Variants in UMAD1 observed in about 807,000 individuals in gnomAD.
The protein encoded by UMAD1 is UBAP1-MVB12-associated (UMA)-domain containing protein 1.
UMAD1 carries 8 observed loss-of-function variants against 6.1 expected under a neutral mutation model. The observed-to-expected ratio is 1.30, with a 90% CI of 0.76 to 2.35. The LOEUF is 2.35. Among genes scored for constraint, UMAD1 ranks in the 30% most tolerant of loss-of-function variants. The pLI is 0.00. For missense variants in UMAD1, 130 were observed against 78.4 expected (o/e 1.66, Z -2.49); for synonymous variants, 56 against 31.4 (o/e 1.78, Z -2.61).
At chr7:7,697,965 C>T (rs1780359294) in intron 2 of UMAD1, among the ~76,000 whole-genome samples, 1 of 152,208 alleles carries the variant, frequency 6.6e-6, no homozygotes, top group Non-Finnish European at 1.5e-5. Flanking sequence ...TGGGGAGTTG[C>T]CTGGATTGGA....
chr7:7,818,992 G>C (rs1295024406), intron 3 of UMAD1, among the ~76,000 whole-genome samples: 11 of 152,042 alleles, frequency 7.2e-5, no homozygotes, highest in Non-Finnish European at 1.6e-4. Context: ...TGGGATTGCA[G>C]ATGCATGCCA....
At chr7:7,866,544 T>A (rs1324627926) in intron 3 of UMAD1, among the ~76,000 whole-genome samples, 1 of 152,218 alleles carries the variant, frequency 6.6e-6, no homozygotes, top group Non-Finnish European at 1.5e-5. Flanking sequence ...AGTAATTCAA[T>A]GAGCCAAGGC....
chr7:7,657,428 G>C (rs774058682), intron 1 of UMAD1, among the ~76,000 whole-genome samples: 19 of 152,176 alleles, frequency 1.2e-4, no homozygotes, highest in Non-Finnish European at 2.2e-4. Flanking sequence ...TTTTCTTCTA[G>C]GGTTTTTATG....
chr7:7,737,610 A>G (rs1037238624), intron 2 of UMAD1, among the ~76,000 whole-genome samples: 2 of 152,226 alleles, frequency 1.3e-5, no homozygotes, highest in Non-Finnish European at 2.9e-5. Context: ...ATGACAGTTT[A>G]TGTATTTTGG....
intron 3 of UMAD1, among the ~76,000 whole-genome samples, chr7:7,811,466 A>G (rs1375252302): frequency 4.6e-5 from 7 of 152,324 alleles, no homozygotes; most frequent in South Asian, 2.1e-4. Context: ...ATATAACAAA[A>G]TAGAAAGTGC....
intron 1 of UMAD1, among the ~76,000 whole-genome samples, chr7:7,663,946 G>C (rs1490422523): frequency 6.6e-6 from 1 of 152,126 alleles, no homozygotes; most frequent in East Asian, 1.9e-4. Flanking sequence ...GAATTCTAAA[G>C]TATTAAACAA....
At chr7:7,865,099 T>C (rs1300577732) in intron 3 of UMAD1, among the ~76,000 whole-genome samples, 2 of 152,122 alleles carry the variant, frequency 1.3e-5, no homozygotes, top group Non-Finnish European at 2.9e-5. Context: ...AATAAGCCAA[T>C]AGTGTGAAGA....
chr7:7,737,882 A>G (rs11766859), intron 2 of UMAD1, among the ~76,000 whole-genome samples: 10,433 of 152,270 alleles, frequency 0.069, 388 homozygotes, highest in Middle Eastern at 0.13. Flanking sequence ...ATGAGATAGT[A>G]CATGCCAGAG....
At chr7:7,659,158 T>C (rs550657719) in intron 1 of UMAD1, among the ~76,000 whole-genome samples, 1 of 152,320 alleles carries the variant, frequency 6.6e-6, no homozygotes, top group African/African-American at 2.4e-5. Context: ...ATATCCCCTT[T>C]ATCATTTTTT....
intron 3 of UMAD1, among the ~76,000 whole-genome samples, chr7:7,820,172 C>T (rs1364765009): frequency 1.3e-5 from 1 of 79,168 alleles, no homozygotes; most frequent in African/African-American, 4.1e-5. Context: ...GTTACTAATA[C>T]AGAAAGATGG....
intron 2 of UMAD1, among the ~76,000 whole-genome samples, chr7:7,733,486 C>T (rs929139926): frequency 1.3e-5 from 2 of 150,858 alleles, no homozygotes; most frequent in Non-Finnish European, 1.5e-5. Context: ...ATTGTGGTCC[C>T]TTGTTAGAAT....
chr7:7,853,570 G>A (rs374149543), intron 3 of UMAD1, among the ~76,000 whole-genome samples: 6 of 151,794 alleles, frequency 4.0e-5, no homozygotes, highest in African/African-American at 1.2e-4. Context: ...ATTTTTGATA[G>A]TATTGTAAAT....
At chr7:7,686,127 G>T (rs954860959) in intron 2 of UMAD1, 1 of 152,196 alleles carries the variant, frequency 6.6e-6, no homozygotes, top group Non-Finnish European at 1.5e-5. Flanking sequence ...ACTGATGTCT[G>T]AGAATTGCTG....
intron 3 of UMAD1, among the ~76,000 whole-genome samples, chr7:7,870,740 A>C (rs1028844928): frequency 2.0e-5 from 3 of 152,200 alleles, no homozygotes; most frequent in African/African-American, 7.2e-5. Context: ...TCCAGCTCTC[A>C]GCATGCCAAC....
At chr7:7,641,349 G>A (rs1227410796) in intron 1 of UMAD1, among the ~76,000 whole-genome samples, 1 of 152,138 alleles carries the variant, frequency 6.6e-6, no homozygotes, top group Non-Finnish European at 1.5e-5. Flanking sequence ...GGGGAGACAA[G>A]CTTAAATCGT....
intron 3 of UMAD1, among the ~76,000 whole-genome samples, chr7:7,808,283 C>A (rs1464304009): frequency 6.6e-6 from 1 of 151,898 alleles, no homozygotes; most frequent in Admixed American, 6.6e-5. Flanking sequence ...CTGTGTTCTA[C>A]TAGTCTTGGA....
At chr7:7,812,287 T>G (rs953622046) in intron 3 of UMAD1, among the ~76,000 whole-genome samples, 1 of 152,206 alleles carries the variant, frequency 6.6e-6, no homozygotes, top group Non-Finnish European at 1.5e-5. Context: ...TATGCAATGT[T>G]TCTGCTCATG....
intron 3 of UMAD1, among the ~76,000 whole-genome samples, chr7:7,806,668 A>C (rs1052048209): frequency 6.6e-6 from 1 of 152,246 alleles, no homozygotes; most frequent in Admixed American, 6.5e-5. Flanking sequence ...CCATTTAAAA[A>C]TCTGTTAATT....
At chr7:7,735,208 A>T (rs1379349557) in intron 2 of UMAD1, among the ~76,000 whole-genome samples, 1 of 151,520 alleles carries the variant, frequency 6.6e-6, no homozygotes, top group Non-Finnish European at 1.5e-5. Context: ...ACTCTTGAGG[A>T]TACAGACATT....
Sources: gnomAD v4.1 joint callset for allele counts (sites outside exome capture counted in the v4.1 genomes callset) on GRCh38, gnomAD v4.1.1 for gene constraint, MANE v1.5 for transcripts, NCBI Gene and HGNC (gene_info 2026-07-23, HGNC 2026-07-21) for gene names.